Variants in MTRF1 observed in about 807,000 individuals in gnomAD.
MTRF1 encodes the protein peptide chain release factor 1, mitochondrial.
In MTRF1, 51 loss-of-function variants were observed where a neutral mutation model predicts 62.9. The observed-to-expected ratio is 0.81, with a 90% CI of 0.65 to 1.02. The LOEUF (loss-of-function observed/expected upper bound fraction) is 1.02, where lower values mean the gene tolerates loss of function less well. MTRF1 is among the 50% of genes least tolerant of loss of function. MTRF1 has a pLI of 0.00. For synonymous variants in MTRF1, 158 were observed against 181.9 expected (o/e 0.87, Z 1.06); for missense variants, 446 against 530.0 (o/e 0.84, Z 1.56).
intron 6 of MTRF1, among the ~76,000 whole-genome samples, chr13:41,238,541 G>A (rs761352776): frequency 8.5e-5 from 13 of 152,170 alleles, no homozygotes; most frequent in Non-Finnish European, 1.5e-4. Context: ...GTTAATAAAT[G>A]TGGAAGGAAT....
At chr13:41,282,283 T>C in the MTRF1 span, among the ~76,000 whole-genome samples, 10 of 152,144 alleles carry the variant, frequency 6.6e-5, no homozygotes, top group African/African-American at 2.4e-4. Context: ...GAACAAGACC[T>C]TATCTCTTCT....
chr13:41,274,380 C>A, the MTRF1 span, among the ~76,000 whole-genome samples: 1 of 152,022 alleles, frequency 6.6e-6, no homozygotes, highest in Non-Finnish European at 1.5e-5. Flanking sequence ...TTTTTTTGTT[C>A]ATACTGCTAA....
At position 41,252,752 on chromosome 13, in the gene MTRF1, C is replaced by G; in HGVS notation, c.590G>C (p.Gly197Ala). The G allele has an allele frequency of 6.2e-7, 1 of 1,612,368 alleles. No individual in the cohort carries two copies. The highest frequency in any genetic ancestry group is 8.5e-7 in the Non-Finnish European group (1 of 1,178,944). Residue 197 changes from glycine to alanine, a missense_variant and splice_region_variant, in exon 5 of 10, where the codon GGT becomes GCT. Physicochemically the swap from Gly to Ala is moderately conservative, Grantham distance 60. Coordinates refer to ENST00000379480, the MANE Select transcript of MTRF1 (RefSeq NM_004294.4). Reference sequence around the variant, plus strand: ...TCGGGTAAATTGTTGGCAGATGTCACCTAAAACAAAATACGAAAAATATTT... The same window carrying G: ...TCGGGTAAATTGTTGGCAGATGTCAGCTAAAACAAAATACGAAAAATATTT... ...LEVTAGRTTG[G>A]DICQQFTREI...
the MTRF1 span, among the ~76,000 whole-genome samples, chr13:41,300,216 C>T: frequency 6.6e-6 from 1 of 152,174 alleles, no homozygotes; most frequent in South Asian, 2.1e-4. Context: ...AAGATGGCCA[C>T]CCAAAAGCAT....
chr13:41,310,552 C>G, the MTRF1 span, among the ~76,000 whole-genome samples: 1 of 152,204 alleles, frequency 6.6e-6, no homozygotes, highest in African/African-American at 2.4e-5. Flanking sequence ...TGCCTGTAAT[C>G]CCAGCCACTC....
chr13:41,269,197 T>TTTTG, the MTRF1 span, among the ~76,000 whole-genome samples: 1 of 116,832 alleles, frequency 8.6e-6, no homozygotes, highest in Non-Finnish European at 1.9e-5. Context: ...TTTTTTTTTT[T>TTTTG]GGTTTTTTTT....
At chr13:41,311,427 C>A in the MTRF1 span, 1 of 1,154,480 alleles carries the variant, frequency 8.7e-7, no homozygotes, top group Non-Finnish European at 1.3e-6. Context: ...TCGCCCGCAG[C>A]CCGACTCTCA....
chr13:41,224,084 G>A (rs1212187253), intron 8 of MTRF1, among the ~76,000 whole-genome samples: 5 of 152,092 alleles, frequency 3.3e-5, no homozygotes, highest in South Asian at 2.1e-4. Context: ...TGAAAATTAC[G>A]TTAATCTCCA....
chr13:41,300,951 T>C, the MTRF1 span, among the ~76,000 whole-genome samples: 8 of 152,330 alleles, frequency 5.3e-5, no homozygotes, highest in Admixed American at 4.6e-4. Flanking sequence ...GGGCCTGATA[T>C]ATTTTGCATA....
At chr13:41,254,852 T>G (rs568863538) in intron 2 of MTRF1, among the ~76,000 whole-genome samples, 1 of 150,714 alleles carries the variant, frequency 6.6e-6, no homozygotes, top group East Asian at 1.9e-4. Context: ...AACCTTGTGT[T>G]TTTTTTTTTA....
intron 3 of MTRF1, 29 bp from the exon 4 acceptor site, chr13:41,253,059 T>C: frequency 6.6e-7 from 1 of 1,513,512 alleles, no homozygotes; most frequent in Middle Eastern, 1.7e-4. Context: ...TTTGTGTGTA[T>C]ATTTTCCCCG....
At chr13:41,217,293 TATTTA>T (rs2032078140) in intron 9 of MTRF1, 65 bp from the exon 10 acceptor site, 2 of 920,604 alleles carry the variant, frequency 2.2e-6, no homozygotes, top group Non-Finnish European at 3.4e-6. Context: ...CTTTAGTGTT[TATTTA>T]TTTAATTTCT....
chr13:41,311,212 G>A, the MTRF1 span: 1 of 477,248 alleles, frequency 2.1e-6, no homozygotes, highest in Non-Finnish European at 3.7e-6. Flanking sequence ...GCCAAAGGGC[G>A]CTCCGCGCAT....
At chr13:41,220,456 G>C (rs1260696555) in intron 9 of MTRF1, 2 of 638,976 alleles carry the variant, frequency 3.1e-6, no homozygotes, top group African/African-American at 3.8e-5. Flanking sequence ...CAAGGACATT[G>C]AGAAACAATA....
chr13:41,310,452 C>A, the MTRF1 span, among the ~76,000 whole-genome samples: 3 of 152,184 alleles, frequency 2.0e-5, no homozygotes, highest in Non-Finnish European at 4.4e-5. Flanking sequence ...GGGGGCGGAT[C>A]ACGAGGTCAA....
the MTRF1 span, chr13:41,288,109 AT>A: frequency 1.2e-5 from 6 of 495,386 alleles, no homozygotes; most frequent in Non-Finnish European, 2.4e-5. Flanking sequence ...TACAGATAGA[AT>A]GGGGGCATAA....
chr13:41,225,667 GGT>G (rs1286083061), intron 8 of MTRF1, among the ~76,000 whole-genome samples: 6 of 151,938 alleles, frequency 3.9e-5, no homozygotes, highest in Non-Finnish European at 7.4e-5. Flanking sequence ...AGCATAGCCA[GGT>G]GTAGTGGCAC....
chr13:41,273,291 A>G, the MTRF1 span, among the ~76,000 whole-genome samples: 128 of 150,144 alleles, frequency 8.5e-4, no homozygotes, highest in Admixed American at 7.5e-3. Context: ...GCGCCACTGC[A>G]CTCCAGCCTG....
intron 3 of MTRF1, 124 bp from the exon 4 acceptor site, chr13:41,253,154 G>T: frequency 1.5e-6 from 1 of 660,918 alleles, no homozygotes; most frequent in East Asian, 2.9e-5. Flanking sequence ...TCCCAAACAG[G>T]GTATTCCAAA....
Sources: allele counts gnomAD v4.1 joint callset (sites outside exome capture counted in the v4.1 genomes callset), GRCh38; gene constraint gnomAD v4.1.1; transcripts MANE v1.5; gene names NCBI Gene and HGNC (gene_info 2026-07-23, HGNC 2026-07-21).